The following TAFA1 variants were observed in gnomAD, a reference collection of about 807,000 sequenced individuals.
The protein encoded by TAFA1 is chemokine-like protein TAFA-1.
A neutral mutation model predicts 18.5 loss-of-function variants in TAFA1; 4 were observed. That is an observed-to-expected ratio of 0.22 (90% CI 0.11 to 0.49). The LOEUF is 0.49. Ranked by LOEUF, TAFA1 falls within the 20% of genes least tolerant of loss-of-function variation. The pLI is 0.98. For synonymous variants in TAFA1, 56 were observed against 55.2 expected (o/e 1.01, Z -0.06); for missense variants, 147 against 169.0 (o/e 0.87, Z 0.72).
chr3:68,396,423 G>C (rs1215084805), intron 2 of TAFA1, among the ~76,000 whole-genome samples: 1 of 152,036 alleles, frequency 6.6e-6, no homozygotes, highest in African/African-American at 2.4e-5. Flanking sequence ...CCAACTTCTA[G>C]CACTACAGGT....
chr3:68,113,897 G>GTTTTTTTT (rs35158174), intron 2 of TAFA1, among the ~76,000 whole-genome samples: 19 of 18,066 alleles, frequency 1.1e-3, no homozygotes, highest in East Asian at 5.4e-3. Context: ...AGTTTTTTTT[G>GTTTTTTTT]TTTTTTTTTT....
intron 2 of TAFA1, among the ~76,000 whole-genome samples, chr3:68,146,878 T>G (rs992439456): frequency 6.6e-6 from 1 of 152,142 alleles, no homozygotes; most frequent in Admixed American, 6.6e-5. Flanking sequence ...GTGGTAAGCC[T>G]ACCTTTATAC....
At chr3:68,240,063 A>G (rs1264437179) in intron 2 of TAFA1, among the ~76,000 whole-genome samples, 2 of 152,178 alleles carry the variant, frequency 1.3e-5, no homozygotes, top group Non-Finnish European at 2.9e-5. Flanking sequence ...AAGTTTATAT[A>G]TGAGCTGGGA....
At chr3:68,480,620 G>A (rs1425015679) in intron 3 of TAFA1, among the ~76,000 whole-genome samples, 2 of 152,130 alleles carry the variant, frequency 1.3e-5, no homozygotes, top group African/African-American at 2.4e-5. Flanking sequence ...AACCCTAGGT[G>A]TCTGTTTCCT....
chr3:68,365,806 A>G (rs896855106), intron 2 of TAFA1, among the ~76,000 whole-genome samples: 2 of 152,112 alleles, frequency 1.3e-5, no homozygotes, highest in African/African-American at 4.8e-5. Context: ...CCATCAGATC[A>G]GCCAGGTGTG....
rs375034648 is a variant in TAFA1, at chr3:68,006,732, C to T, written c.106C>T (p.Leu36=). Residue 36 remains leucine, a synonymous_variant, in exon 2 of 5, where the codon CTG becomes TTG. Transcript: ENST00000478136. The part of the protein sequence containing the change: ...SLQHTFQQHH[L]HRPEGGTCEV... ...TCAGCACACTTTCCAGCAGCATCACCTGCACAGACCAGGTAAGTCAGGAGC... is the reference window on the plus strand; with the variant it reads ...TCAGCACACTTTCCAGCAGCATCACTTGCACAGACCAGGTAAGTCAGGAGC... The T allele has an allele frequency of 1.5e-5, 24 of 1,613,158 alleles. No individual in the cohort carries two copies. Among genetic ancestry groups the T allele is most frequent in the Middle Eastern group, 1.6e-4 (1 of 6,080 alleles).
rs185493096 is a variant in TAFA1, at chr3:68,287,640, G to T, written c.119-129640G>T. Among the ~76,000 whole-genome samples, 75 of 152,176 alleles carry T rather than the reference G, an allele frequency of 4.9e-4. No individual in the cohort carries two copies. The South Asian group carries it at 9.3e-3, about 19-fold the overall frequency. ...ATTTCTCCTCCCAATGGCTTTAAAGGTACCTCCTGTTGCTTCCGTATGCAT... is the reference window on the plus strand; with the variant it reads ...ATTTCTCCTCCCAATGGCTTTAAAGTTACCTCCTGTTGCTTCCGTATGCAT... On this transcript the variant is annotated intron_variant, in intron 2 of 4. Transcript: ENST00000478136.
chr3:68,541,347 A>G (rs1437675789), intron 4 of TAFA1, among the ~76,000 whole-genome samples: 1 of 152,206 alleles, frequency 6.6e-6, no homozygotes, highest in Non-Finnish European at 1.5e-5. Flanking sequence ...GTATATAGGA[A>G]CCATCTATTC....
intron 2 of TAFA1, among the ~76,000 whole-genome samples, chr3:68,056,593 C>T (rs1023033819): frequency 1.3e-5 from 2 of 152,108 alleles, no homozygotes; most frequent in Non-Finnish European, 2.9e-5. Context: ...AGCCAGATAT[C>T]CCAGTGAGCA....
intron 2 of TAFA1, among the ~76,000 whole-genome samples, chr3:68,203,337 G>A (rs978150222): frequency 5.9e-5 from 9 of 151,532 alleles, no homozygotes; most frequent in African/African-American, 1.9e-4. Context: ...GTGGTTTGGT[G>A]TCTGACATTA....
At chr3:68,195,828 A>G (rs1342346278) in intron 2 of TAFA1, among the ~76,000 whole-genome samples, 1 of 151,454 alleles carries the variant, frequency 6.6e-6, no homozygotes, top group African/African-American at 2.4e-5. Flanking sequence ...ATAGATCCAT[A>G]TCATATATGT....
At chr3:68,369,042 G>A (rs1483867664) in intron 2 of TAFA1, among the ~76,000 whole-genome samples, 1 of 152,018 alleles carries the variant, frequency 6.6e-6, no homozygotes, top group Non-Finnish European at 1.5e-5. Context: ...ATGACCTTAC[G>A]ATATTGTCAA....
intron 2 of TAFA1, among the ~76,000 whole-genome samples, chr3:68,257,064 C>T (rs62248294): frequency 0.022 from 3,397 of 152,196 alleles, 64 homozygotes; most frequent in Non-Finnish European, 0.035. Context: ...TCACTCGTAA[C>T]GCTCTGCTTA....
intron 3 of TAFA1, among the ~76,000 whole-genome samples, chr3:68,485,714 T>A (rs949054123): frequency 6.6e-6 from 1 of 152,240 alleles, no homozygotes; most frequent in East Asian, 1.9e-4. Flanking sequence ...ACCCTCTCAC[T>A]GGCTACTTGC....
At chr3:68,514,496 G>T (rs1037436173) in intron 3 of TAFA1, among the ~76,000 whole-genome samples, 1 of 151,888 alleles carries the variant, frequency 6.6e-6, no homozygotes, top group Non-Finnish European at 1.5e-5. Context: ...AATTCTTTCA[G>T]GAGCAAGAAA....
At chr3:68,186,923 C>T (rs185284841) in intron 2 of TAFA1, among the ~76,000 whole-genome samples, 1 of 151,864 alleles carries the variant, frequency 6.6e-6, no homozygotes, top group Non-Finnish European at 1.5e-5. Flanking sequence ...AATCATCTGT[C>T]CTTCTTATCT....
intron 2 of TAFA1, among the ~76,000 whole-genome samples, chr3:68,254,966 C>T (rs1326126483): frequency 6.6e-6 from 1 of 152,066 alleles, no homozygotes; most frequent in Non-Finnish European, 1.5e-5. Context: ...AGCCACTTGG[C>T]CTCATTGAAA....
chr3:68,251,261 T>C (rs1340754190), intron 2 of TAFA1, among the ~76,000 whole-genome samples: 1 of 152,190 alleles, frequency 6.6e-6, no homozygotes, highest in East Asian at 1.9e-4. Flanking sequence ...CTCCAAATTC[T>C]AGGGCTCAAC....
chr3:68,268,172 G>A (rs913872125), intron 2 of TAFA1, among the ~76,000 whole-genome samples: 2 of 152,102 alleles, frequency 1.3e-5, no homozygotes, highest in African/African-American at 4.8e-5. Context: ...GTATTTGACT[G>A]CCATTCTGAG....
Sources: gnomAD v4.1 joint callset for allele counts (sites outside exome capture counted in the v4.1 genomes callset) on GRCh38, gnomAD v4.1.1 for gene constraint, MANE v1.5 for transcripts, NCBI Gene and HGNC (gene_info 2026-07-23, HGNC 2026-07-21) for gene names.